Variants in PACRG observed in about 807,000 individuals in gnomAD.
PACRG encodes the protein parkin coregulated gene protein.
A neutral mutation model predicts 29.7 loss-of-function variants in PACRG; 29 were observed. The ratio of observed to expected loss-of-function variants is 0.98; its 90% CI spans 0.73 to 1.33. PACRG has a LOEUF of 1.33. Among genes scored for constraint, PACRG ranks in the 40% most tolerant of loss-of-function variants. The pLI, the probability that PACRG is intolerant of heterozygous loss-of-function variation, is 0.00. For missense variants in PACRG, 279 were observed against 316.2 expected, an observed-to-expected ratio of 0.88 and a Z score of 0.89; for synonymous variants, 116 against 118.7, an observed-to-expected ratio of 0.98 and a Z score of 0.15.
At chr6:162,843,952 C>T (rs1457147284) in intron 2 of PACRG, among the ~76,000 whole-genome samples, 26 of 93,820 alleles carry the variant, frequency 2.8e-4, no homozygotes, top group East Asian at 5.8e-4. Flanking sequence ...GCAGTCTGCC[C>T]GTTCTCAGAT....
chr6:163,193,986 G>C, intron 4 of PACRG, among the ~76,000 whole-genome samples: 1 of 151,198 alleles, frequency 6.6e-6, no homozygotes, highest in East Asian at 2.0e-4. Context: ...TCCACCTCCT[G>C]GGTTCAAGCG....
intron 2 of PACRG, among the ~76,000 whole-genome samples, chr6:162,876,308 A>C (rs1439052248): frequency 6.6e-6 from 1 of 152,256 alleles, no homozygotes; most frequent in Non-Finnish European, 1.5e-5. Flanking sequence ...ACTGGAAACC[A>C]TCACTCTCTT....
intron 2 of PACRG, chr6:163,051,491 G>A (rs750865905): frequency 2.0e-5 from 3 of 151,930 alleles, no homozygotes; most frequent in Non-Finnish European, 4.4e-5. Context: ...TTAATTTCTG[G>A]GCTTTTGATT....
At chr6:162,954,081 G>A in intron 2 of PACRG, among the ~76,000 whole-genome samples, 1 of 151,926 alleles carries the variant, frequency 6.6e-6, no homozygotes, top group East Asian at 1.9e-4. Flanking sequence ...TAATTGTTTT[G>A]CCTGTGGATA....
chr6:163,207,388 A>C (rs933394159), intron 4 of PACRG, among the ~76,000 whole-genome samples: 2 of 152,234 alleles, frequency 1.3e-5, no homozygotes, highest in African/African-American at 4.8e-5. Flanking sequence ...TGAGCAAAGA[A>C]ATGAAGGTAT....
At chr6:163,238,818 C>T (rs1782350250) in intron 4 of PACRG, among the ~76,000 whole-genome samples, 1 of 151,990 alleles carries the variant, frequency 6.6e-6, no homozygotes, top group African/African-American at 2.4e-5. Flanking sequence ...GTAAAAGGCT[C>T]AAAAAAATGG....
intron 3 of PACRG, among the ~76,000 whole-genome samples, chr6:163,085,758 C>T (rs545590484): frequency 2.8e-4 from 42 of 152,318 alleles, no homozygotes; most frequent in South Asian, 1.0e-3. Context: ...CTAGACTAGG[C>T]GTGGGACTTG....
rs543247575 is a variant in PACRG at position 163,314,952 on chromosome 6, G to A, written c.739G>A (p.Val247Met). Residue 247 changes from valine (V) to methionine (M), a missense_variant, in exon 5 of 5, where the codon GTG (valine) becomes ATG (methionine). By Grantham distance (21) the Val-to-Met change is conservative. Coordinates refer to ENST00000366888, the MANE Select transcript of PACRG (RefSeq NM_001080379.2). ...AAATGCCTTTATCAACATTAAGTAC[G>A]TGGTCCCAACCTACGAGTCTTGCTT... ...GENAFINIKYVVPTYESCLLN is the reference protein window; with the variant it reads ...GENAFINIKYMVPTYESCLLN 3.9e-5 allele frequency: 63 copies of A among 1,614,106 alleles called. No homozygotes were observed. The highest frequency in any genetic ancestry group is 1.4e-4 in the South Asian group (13 of 91,066).
intron 2 of PACRG, among the ~76,000 whole-genome samples, chr6:163,010,158 G>C (rs1226532431): frequency 6.6e-6 from 1 of 152,090 alleles, no homozygotes; most frequent in Non-Finnish European, 1.5e-5. Context: ...AAAACCAAAC[G>C]ACTGTAAAGT....
Position 163,171,427 on chromosome 6 carries a change from C to T in PACRG, c.613+82019C>T, listed in dbSNP as rs571380971. Among the ~76,000 whole-genome samples the T allele has an allele frequency of 2.6e-5, 4 of 152,214 alleles. No homozygotes were observed. The South Asian group carries it at 6.2e-4, about 24-fold the overall frequency. Reference sequence around the variant, plus strand: ...TTGCTCACTTATTGTATATCTTTGCCCCTCCGTGAGGCAGGTATGACTGTT... The same window carrying T: ...TTGCTCACTTATTGTATATCTTTGCTCCTCCGTGAGGCAGGTATGACTGTT... On this transcript the variant is annotated intron_variant, in intron 4 of 4. Transcript: ENST00000366888.
chr6:163,255,736 A>G (rs1783080425), intron 4 of PACRG, among the ~76,000 whole-genome samples: 2 of 152,128 alleles, frequency 1.3e-5, no homozygotes, highest in South Asian at 4.1e-4. Flanking sequence ...TCCCGGGTTC[A>G]AGCAACTCTC....
At position 163,277,371 on chromosome 6, in the gene PACRG, T is replaced by A. The variant is rs969599363; in HGVS notation, c.614-37456T>A. Among the ~76,000 whole-genome samples, 6 of 151,928 alleles carry A rather than the reference T, an allele frequency of 3.9e-5. No homozygotes were observed. The South Asian group carries it at 1.2e-3, about 32-fold the overall frequency. On this transcript the variant is annotated intron_variant, in intron 4 of 4. Coordinates refer to ENST00000366888, the MANE Select transcript of PACRG (RefSeq NM_001080379.2). ...CATATGATGTTTGGTTTTCCATTCC[T>A]GAATTACTTCACTTAGAATAATAGT...
intron 4 of PACRG, among the ~76,000 whole-genome samples, chr6:163,299,676 C>T (rs972549777): frequency 3.3e-5 from 5 of 152,050 alleles, no homozygotes; most frequent in Admixed American, 6.6e-5. Context: ...GTCAGGAGTT[C>T]GAGACTAGCC....
intron 1 of PACRG, among the ~76,000 whole-genome samples, chr6:162,781,545 G>A (rs1367306267): frequency 6.6e-6 from 1 of 151,448 alleles, no homozygotes; most frequent in Non-Finnish European, 1.5e-5. Flanking sequence ...TTAATCTACT[G>A]TTTAGATAAA....
intron 1 of PACRG, among the ~76,000 whole-genome samples, chr6:162,781,262 A>C (rs772691381): frequency 2.0e-5 from 3 of 152,042 alleles, no homozygotes; most frequent in Non-Finnish European, 4.4e-5. Flanking sequence ...TGAACCTATA[A>C]TTCTTTATTC....
At chr6:163,164,969 C>CT (rs36057488) in intron 4 of PACRG, among the ~76,000 whole-genome samples, 35,806 of 151,724 alleles carry the variant, frequency 0.24, 4,384 homozygotes, top group East Asian at 0.49. Flanking sequence ...GCAATGGTGA[C>CT]TTTTTTTTAA....
chr6:163,064,171 T>C (rs1165055241), intron 3 of PACRG, among the ~76,000 whole-genome samples: 2 of 152,190 alleles, frequency 1.3e-5, no homozygotes, highest in South Asian at 2.1e-4. Flanking sequence ...AAGACACTGA[T>C]AGGCAGAAAA....
intron 2 of PACRG, among the ~76,000 whole-genome samples, chr6:162,861,996 A>T (rs1179473407): frequency 6.6e-6 from 1 of 152,094 alleles, no homozygotes; most frequent in Non-Finnish European, 1.5e-5. Context: ...TTTTGTATCC[A>T]CTAAGGTCTT....
intron 4 of PACRG, among the ~76,000 whole-genome samples, chr6:163,272,135 TTCAAGTGATTC>T: frequency 6.6e-6 from 1 of 151,876 alleles, no homozygotes; most frequent in South Asian, 2.1e-4. Context: ...ACCTCCCAGG[TTCAAGTGATTC>T]TCCTGCCTCA....
Sources: gnomAD v4.1 joint callset for allele counts (sites outside exome capture counted in the v4.1 genomes callset) on GRCh38, gnomAD v4.1.1 for gene constraint, MANE v1.5 for transcripts, NCBI Gene and HGNC (gene_info 2026-07-23, HGNC 2026-07-21) for gene names.